NFIA: variants seen among roughly 807,000 people sequenced by gnomAD.
NFIA encodes the protein nuclear factor 1 A-type.
A neutral mutation model predicts 62.8 loss-of-function variants in NFIA; 8 were observed. That is an observed-to-expected ratio of 0.13 (90% CI 0.07 to 0.23). NFIA has a LOEUF of 0.23. Ranked by LOEUF, NFIA falls within the 10% of genes least tolerant of loss-of-function variation. The pLI is 1.00. For missense variants in NFIA, 410 were observed against 642.1 expected, an observed-to-expected ratio of 0.64 and a Z score of 3.91; for synonymous variants, 235 against 238.1, an observed-to-expected ratio of 0.99 and a Z score of 0.12.
At chr1:61,196,825 C>T (rs1159057856) in intron 2 of NFIA, among the ~76,000 whole-genome samples, 1 of 152,006 alleles carries the variant, frequency 6.6e-6, no homozygotes, top group African/African-American at 2.4e-5. Flanking sequence ...ATCGACTTCT[C>T]TGCATACTCA....
At chr1:61,183,494 C>A (rs1186482069) in intron 2 of NFIA, among the ~76,000 whole-genome samples, 1 of 152,210 alleles carries the variant, frequency 6.6e-6, no homozygotes, top group East Asian at 1.9e-4. Flanking sequence ...AAGAACATAA[C>A]CATCACTAAA....
At chr1:61,240,205 T>G in intron 2 of NFIA, among the ~76,000 whole-genome samples, 1 of 152,116 alleles carries the variant, frequency 6.6e-6, no homozygotes, top group East Asian at 1.9e-4. Context: ...AATTCAGCTT[T>G]CAAGTGTAAA....
chr1:61,288,712 A>C (rs796318954), intron 3 of NFIA, among the ~76,000 whole-genome samples: 2 of 152,152 alleles, frequency 1.3e-5, no homozygotes, highest in African/African-American at 2.4e-5. Flanking sequence ...AGATTGAGAG[A>C]ACTTTTAGGC....
intron 10 of NFIA, among the ~76,000 whole-genome samples, chr1:61,431,660 A>G (rs1046074356): frequency 6.6e-6 from 1 of 152,238 alleles, no homozygotes; most frequent in Admixed American, 6.5e-5. Flanking sequence ...GAAATTTACA[A>G]ATGTATGCAC....
intron 7 of NFIA, among the ~76,000 whole-genome samples, chr1:61,393,244 C>CT (rs1665079310): frequency 1.5e-3 from 43 of 29,098 alleles, no homozygotes; most frequent in Non-Finnish European, 1.8e-3. Context: ...TCGCCCTCTC[C>CT]CTCTCTCTCT....
upstream of NFIA, chr1:61,082,465 CCGG>C: frequency 9.4e-7 from 1 of 1,059,816 alleles, no homozygotes; most frequent in African/African-American, 1.7e-5. Flanking sequence ...TCGCGGGCAC[CCGG>C]CCGGGCCGGC....
At chr1:61,241,251 A>T (rs1655331654) in intron 2 of NFIA, among the ~76,000 whole-genome samples, 2 of 152,012 alleles carry the variant, frequency 1.3e-5, no homozygotes, top group African/African-American at 4.8e-5. Flanking sequence ...TTCTTTCCTT[A>T]TACCTTCCAC....
At chr1:61,308,275 G>A (rs1226031084) in intron 3 of NFIA, among the ~76,000 whole-genome samples, 3 of 152,088 alleles carry the variant, frequency 2.0e-5, no homozygotes, top group African/African-American at 7.2e-5. Context: ...GTCTTTTAAC[G>A]AAACATGAAT....
At chr1:61,257,885 C>CTT (rs58230415) in intron 2 of NFIA, among the ~76,000 whole-genome samples, 36 of 115,414 alleles carry the variant, frequency 3.1e-4, no homozygotes, top group South Asian at 6.0e-4. Context: ...TTCTTTTTTT[C>CTT]TTTTTTTTTT....
intron 5 of NFIA, among the ~76,000 whole-genome samples, chr1:61,352,779 A>G (rs1662621412): frequency 6.7e-6 from 1 of 150,312 alleles, no homozygotes; most frequent in Non-Finnish European, 1.5e-5. Context: ...ACACACACAC[A>G]CACACGCACA....
chr1:61,104,727 A>G (rs375750881), intron 2 of NFIA, among the ~76,000 whole-genome samples: 25 of 152,198 alleles, frequency 1.6e-4, no homozygotes, highest in African/African-American at 6.0e-4. Context: ...TTTCAGCAAG[A>G]AATGATGGAA....
chr1:61,099,009 T>C (rs1044432759), intron 2 of NFIA, among the ~76,000 whole-genome samples: 1 of 152,188 alleles, frequency 6.6e-6, no homozygotes, highest in Non-Finnish European at 1.5e-5. Flanking sequence ...AACTAATTGT[T>C]CTAAAGATAT....
intron 2 of NFIA, among the ~76,000 whole-genome samples, chr1:61,171,133 C>T (rs796389821): frequency 2.6e-5 from 4 of 152,242 alleles, no homozygotes; most frequent in African/African-American, 9.6e-5. Flanking sequence ...TATTTACACT[C>T]TCAGTTTCTT....
intron 2 of NFIA, among the ~76,000 whole-genome samples, chr1:61,090,193 T>G (rs1031296592): frequency 6.6e-6 from 1 of 152,340 alleles, no homozygotes; most frequent in African/African-American, 2.4e-5. Flanking sequence ...TTAAAAAATG[T>G]GTCTGCATAT....
At chr1:61,368,549 A>G (rs943652671) in intron 6 of NFIA, among the ~76,000 whole-genome samples, 4 of 152,344 alleles carry the variant, frequency 2.6e-5, no homozygotes, top group Non-Finnish European at 5.9e-5. Flanking sequence ...ATATGTAAAC[A>G]TTGAGGACAA....
intron 10 of NFIA, among the ~76,000 whole-genome samples, chr1:61,437,920 T>TA (rs1667405022): frequency 6.6e-6 from 1 of 152,186 alleles, no homozygotes; most frequent in South Asian, 2.1e-4. Context: ...CGTGAATAAA[T>TA]ACATACCTTT....
intron 10 of NFIA, among the ~76,000 whole-genome samples, chr1:61,450,719 C>T (rs1331662961): frequency 6.6e-6 from 1 of 152,212 alleles, no homozygotes; most frequent in Admixed American, 6.5e-5. Flanking sequence ...CAGTGTTAAA[C>T]TTTGCCCTTG....
chr1:61,228,860 AT>A (rs953902835), intron 2 of NFIA, among the ~76,000 whole-genome samples: 17 of 152,078 alleles, frequency 1.1e-4, no homozygotes, highest in Non-Finnish European at 1.5e-4. Context: ...TTATCTCCTC[AT>A]TTATTCTGAG....
chr1:61,187,859 T>C (rs1651310020), intron 2 of NFIA, among the ~76,000 whole-genome samples: 1 of 152,096 alleles, frequency 6.6e-6, no homozygotes, highest in South Asian at 2.1e-4. Flanking sequence ...TTGAAGTGGG[T>C]CTGTGTGAGA....
Sources: allele counts gnomAD v4.1 joint callset (sites outside exome capture counted in the v4.1 genomes callset), GRCh38; gene constraint gnomAD v4.1.1; transcripts MANE v1.5; gene names NCBI Gene and HGNC (gene_info 2026-07-23, HGNC 2026-07-21).